Variants in BABAM2 observed in about 807,000 individuals in gnomAD.
BABAM2 encodes BRISC and BRCA1-A complex member 2.
BABAM2 carries 31 observed loss-of-function variants against 54.7 expected under a neutral mutation model. The observed-to-expected ratio is 0.57, with a 90% CI of 0.43 to 0.77. The LOEUF (loss-of-function observed/expected upper bound fraction) is 0.77. Ranked by LOEUF, BABAM2 falls within the 30% of genes least tolerant of loss-of-function variation. The pLI, the probability that BABAM2 is intolerant of heterozygous loss-of-function variation, is 0.00. For synonymous variants in BABAM2, 167 were observed against 162.9 expected (o/e 1.03, Z -0.19); for missense variants, 364 against 455.8 (o/e 0.80, Z 1.83).
At chr2:28,114,500 A>G (rs1668429064) in intron 6 of BABAM2, among the ~76,000 whole-genome samples, 1 of 152,212 alleles carries the variant, frequency 6.6e-6, no homozygotes, top group African/African-American at 2.4e-5. Flanking sequence ...ATTGAAGAAG[A>G]AGGAAGAAAC....
At chr2:28,274,153 C>T (rs756980321) in intron 10 of BABAM2, among the ~76,000 whole-genome samples, 1 of 152,132 alleles carries the variant, frequency 6.6e-6, no homozygotes, top group Non-Finnish European at 1.5e-5. Flanking sequence ...TAGACAGGCT[C>T]ACCTTCCCCA....
Position 27,963,579 on chromosome 2 carries a change from CAACATGGATTTACATAGAAGCA to C in BABAM2, c.206-24412_206-24391del, listed in dbSNP as rs1670631035. ...TAAAACCTGTTATATCTTTAGTAGC[CAACATGGATTTACATAGAAGCA>C]AGTTATACCAAACTAGTCTTAACGG... On this transcript the variant is annotated intron_variant, in intron 3 of 11. Transcript: ENST00000379624. Among the ~76,000 whole-genome samples the C allele has an allele frequency of 4.0e-5, 6 of 151,240 alleles. No individual in the cohort carries two copies. In the South Asian group the frequency reaches 1.3e-3, roughly 32 times the overall value.
intron 3 of BABAM2, among the ~76,000 whole-genome samples, chr2:27,934,087 T>C (rs1300229398): frequency 2.6e-5 from 4 of 152,242 alleles, no homozygotes; most frequent in African/African-American, 7.2e-5. Flanking sequence ...TGAAATTGAT[T>C]GATGGTTTGT....
chr2:28,189,857 G>A (rs938484184), intron 7 of BABAM2, among the ~76,000 whole-genome samples: 1 of 151,976 alleles, frequency 6.6e-6, no homozygotes, highest in Non-Finnish European at 1.5e-5. Context: ...CAAAGTTGGA[G>A]GAAGGACTTG....
intron 6 of BABAM2, among the ~76,000 whole-genome samples, chr2:28,079,364 T>G (rs1443672009): frequency 2.6e-5 from 4 of 152,164 alleles, no homozygotes; most frequent in African/African-American, 9.7e-5. Context: ...AAAACCAAAC[T>G]CTTGCACATA....
At chr2:28,155,453 G>A (rs1315587951) in intron 7 of BABAM2, among the ~76,000 whole-genome samples, 1 of 152,062 alleles carries the variant, frequency 6.6e-6, no homozygotes, top group Non-Finnish European at 1.5e-5. Flanking sequence ...TCCTTATGGA[G>A]TACACCGTAT....
intron 11 of BABAM2, among the ~76,000 whole-genome samples, chr2:28,331,203 A>C (rs1690928276): frequency 6.6e-6 from 1 of 152,198 alleles, no homozygotes; most frequent in Non-Finnish European, 1.5e-5. Context: ...ATATAAAACC[A>C]AAACTATAAA....
chr2:27,894,730 C>G, intron 2 of BABAM2, 46 bp downstream of exon 2: 1 of 1,607,372 alleles, frequency 6.2e-7, no homozygotes, highest in Non-Finnish European at 8.5e-7. Flanking sequence ...ACCAATTCAA[C>G]CTTTACCTAA....
chr2:27,890,620 T>G (rs1028026113), upstream of BABAM2: 7 of 349,944 alleles, frequency 2.0e-5, no homozygotes, highest in East Asian at 4.6e-5. This position sits in a 1 kb window ranked among gnomAD's most constrained non-coding sequence, Gnocchi z 4.8. Flanking sequence ...AGGAAGGAAC[T>G]GTCAGGCACC....
intron 11 of BABAM2, chr2:28,327,344 G>A: frequency 1.2e-6 from 2 of 1,613,956 alleles, no homozygotes; most frequent in Admixed American, 1.7e-5. Context: ...TGCAAAAACT[G>A]GCTGCAAGCT....
At chr2:28,117,839 A>G (rs1303089906) in intron 6 of BABAM2, among the ~76,000 whole-genome samples, 1 of 152,162 alleles carries the variant, frequency 6.6e-6, no homozygotes, top group Non-Finnish European at 1.5e-5. Flanking sequence ...AGAGGGTATC[A>G]GGCAAGCAAT....
intron 6 of BABAM2, among the ~76,000 whole-genome samples, chr2:28,064,065 G>C (rs556075444): frequency 2.0e-5 from 3 of 152,188 alleles, no homozygotes; most frequent in Admixed American, 1.3e-4. Flanking sequence ...ACTGGATGAA[G>C]GGTTGGGATT....
chr2:28,011,682 A>G (rs1476167465), intron 4 of BABAM2, among the ~76,000 whole-genome samples: 6 of 152,228 alleles, frequency 3.9e-5, no homozygotes, highest in Admixed American at 6.5e-5. Context: ...CAGAGCCTGC[A>G]GATGTTTCTC....
At chr2:27,898,644 G>A (rs1049369607) in intron 2 of BABAM2, among the ~76,000 whole-genome samples, 4 of 152,148 alleles carry the variant, frequency 2.6e-5, no homozygotes, top group Non-Finnish European at 1.5e-5. Context: ...AGTACAACAT[G>A]ATGAACCTTG....
intron 7 of BABAM2, among the ~76,000 whole-genome samples, chr2:28,165,991 G>C (rs1486602744): frequency 6.6e-6 from 1 of 152,172 alleles, no homozygotes; most frequent in Admixed American, 6.5e-5. Context: ...GAGGTCATCA[G>C]AATGGGCCCT....
chr2:28,101,723 A>G (rs1288005475), intron 6 of BABAM2, among the ~76,000 whole-genome samples: 1 of 152,214 alleles, frequency 6.6e-6, no homozygotes, highest in Non-Finnish European at 1.5e-5. Context: ...ATAATGTATT[A>G]GTACATAGGT....
chr2:27,981,886 T>C (rs1176391595), intron 3 of BABAM2, among the ~76,000 whole-genome samples: 1 of 152,140 alleles, frequency 6.6e-6, no homozygotes, highest in Non-Finnish European at 1.5e-5. Context: ...AGTGGATTTG[T>C]AGGGTCAGAT....
intron 7 of BABAM2, among the ~76,000 whole-genome samples, chr2:28,158,134 A>G (rs12162366): frequency 0.087 from 13,180 of 152,288 alleles, 621 homozygotes; most frequent in East Asian, 0.15. Context: ...TGATCAGAAG[A>G]CTTAAAATCT....
In BABAM2 at chr2:28,205,163, G is replaced by A. The variant is rs189155537; in HGVS notation, c.681-32039G>A. On this transcript the variant is annotated intron_variant, in intron 7 of 11. Transcript: ENST00000379624. The stretch of plus-strand genomic sequence containing the variant: ...TCTCCCATTGATATAGGGAAAGAGG[G>A]GCATTTGTTACTGCAGCTTTGCCTA... Among the ~76,000 whole-genome samples the A allele has an allele frequency of 2.9e-4, 44 of 152,066 alleles. 1 individual carries two copies. In the East Asian group the frequency reaches 8.1e-3, roughly 28 times the overall value.
Sources: gnomAD v4.1 joint callset for allele counts (sites outside exome capture counted in the v4.1 genomes callset) on GRCh38, gnomAD v4.1.1 for gene constraint, Gnocchi (gnomAD v3.1) non-coding constraint, MANE v1.5 for transcripts, NCBI Gene and HGNC (gene_info 2026-07-23, HGNC 2026-07-21) for gene names.